The following CHCHD6 variants were observed in gnomAD, a reference collection of about 807,000 sequenced individuals.
CHCHD6 encodes coiled-coil-helix-coiled-coil-helix domain containing 6.
Under a neutral mutation model 32.3 loss-of-function variants are expected in CHCHD6, and 28 were observed. The observed-to-expected ratio is 0.87, with a 90% CI of 0.64 to 1.19. The LOEUF is 1.19. Ranked by LOEUF, CHCHD6 falls within the 50% of genes most tolerant of loss-of-function variation. CHCHD6 has a pLI of 0.00. For missense variants in CHCHD6, 333 were observed against 307.0 expected, an observed-to-expected ratio of 1.08 and a Z score of -0.63; for synonymous variants, 122 against 117.5, an observed-to-expected ratio of 1.04 and a Z score of -0.25.
chr3:126,950,146 C>G (rs1576642502), intron 6 of CHCHD6, among the ~76,000 whole-genome samples: 2 of 152,140 alleles, frequency 1.3e-5, no homozygotes, highest in East Asian at 1.9e-4. Context: ...GAAGGCCACA[C>G]AGAGGATTGT....
At chr3:126,709,924 GA>G (rs1934674747) in intron 1 of CHCHD6, among the ~76,000 whole-genome samples, 1 of 152,188 alleles carries the variant, frequency 6.6e-6, no homozygotes, top group Non-Finnish European at 1.5e-5. Context: ...TTATAAAAGG[GA>G]CTTGAGCATC....
chr3:126,845,499 G>T (rs547935019), intron 4 of CHCHD6, among the ~76,000 whole-genome samples: 6 of 152,022 alleles, frequency 3.9e-5, no homozygotes. Context: ...CTTAGTTGTC[G>T]TCAATCAACT....
intron 4 of CHCHD6, among the ~76,000 whole-genome samples, chr3:126,845,567 G>A (rs1245074515): frequency 6.6e-6 from 1 of 151,754 alleles, no homozygotes; most frequent in Non-Finnish European, 1.5e-5. Context: ...TCTTCTACTG[G>A]GACTCCAATT....
At chr3:126,800,289 A>G (rs180839788) in intron 4 of CHCHD6, among the ~76,000 whole-genome samples, 69 of 152,312 alleles carry the variant, frequency 4.5e-4, no homozygotes, top group African/African-American at 1.6e-3. Flanking sequence ...TCTGTCCCCA[A>G]GCCCAATTAA....
chr3:126,868,043 T>A (rs749455732), intron 5 of CHCHD6, among the ~76,000 whole-genome samples: 1 of 152,164 alleles, frequency 6.6e-6, no homozygotes, highest in Non-Finnish European at 1.5e-5. Flanking sequence ...TCCAGCAGCA[T>A]CATCTGTCCC....
At position 126,760,538 on chromosome 3, in the gene CHCHD6, C is replaced by G. The variant is rs1272926548; in HGVS notation, c.411+27316C>G. On this transcript the variant is annotated intron_variant, in intron 4 of 7. Coordinates refer to ENST00000290913, the MANE Select transcript of CHCHD6 (RefSeq NM_032343.3). ...GTCCTGTCAACTACTCCATTCTACT[C>G]TGTCTCTATGAATTTCACTACTCTA... 2.0e-5 allele frequency among the ~76,000 whole-genome samples: 3 copies of G among 152,210 alleles called. No homozygotes were observed. In the East Asian group the frequency reaches 5.8e-4, roughly 29 times the overall value.
At chr3:126,914,511 C>G (rs1316893985) in intron 5 of CHCHD6, among the ~76,000 whole-genome samples, 169 bp from the exon 6 acceptor site, 3 of 152,232 alleles carry the variant, frequency 2.0e-5, no homozygotes, top group Admixed American at 6.5e-5. Context: ...GATTCTGTAG[C>G]AGCAGCCATG....
intron 6 of CHCHD6, among the ~76,000 whole-genome samples, chr3:126,916,408 A>T (rs991113982): frequency 5.9e-5 from 9 of 152,226 alleles, no homozygotes; most frequent in African/African-American, 1.9e-4. Context: ...CTTAAAAAAA[A>T]AAAAAAAAAG....
Position 126,882,189 on chromosome 3 carries a change from A to G in CHCHD6, c.495+29459A>G, listed in dbSNP as rs116336743. 6.1e-3 allele frequency among the ~76,000 whole-genome samples: 933 copies of G among 152,332 alleles called. 10 individuals are homozygous for G. Among genetic ancestry groups the G allele is most frequent in the African/African-American group, 0.021 (892 of 41,568 alleles). On this transcript the variant is annotated intron_variant, in intron 5 of 7. Transcript: ENST00000290913. ...ACCCTCAGAGCCCCAAGCTATCCCC[A>G]GGTATCAGCAGGTAGCAGGAAGCGG...
At chr3:126,863,568 C>T (rs1942062553) in intron 5 of CHCHD6, among the ~76,000 whole-genome samples, 2 of 136,254 alleles carry the variant, frequency 1.5e-5, no homozygotes, top group African/African-American at 3.0e-5. Context: ...CCTCCTCCAC[C>T]ATCACCACCT....
At position 126,766,902 on chromosome 3, in the gene CHCHD6, G is replaced by A. The variant is rs573784035; in HGVS notation, c.411+33680G>A. On this transcript the variant is annotated intron_variant, in intron 4 of 7. Coordinates refer to ENST00000290913, the MANE Select transcript of CHCHD6 (RefSeq NM_032343.3). ...GGGGGACCATCTCATCCTGCTCTGC[G>A]TGGCCCAGCCGGCCATAGCCACTGA... The A allele has an allele frequency of 2.9e-5, 30 of 1,034,754 alleles. 1 individual carries two copies. The highest frequency in any genetic ancestry group is 1.6e-4 in the South Asian group (13 of 79,010). 64.1% of individuals were successfully genotyped at this position (1,034,754 alleles called of 1,614,324 possible).
chr3:126,783,911 G>A (rs1938072013), intron 4 of CHCHD6, among the ~76,000 whole-genome samples: 1 of 152,092 alleles, frequency 6.6e-6, no homozygotes, highest in Non-Finnish European at 1.5e-5. Flanking sequence ...AAGGAACTTG[G>A]ATCAGAAAGA....
intron 5 of CHCHD6, among the ~76,000 whole-genome samples, chr3:126,864,261 CCCT>C (rs1559889834): frequency 7.7e-6 from 1 of 129,164 alleles, no homozygotes; most frequent in Admixed American, 7.5e-5. Context: ...CACCATCTCC[CCCT>C]CCTCCATCAC....
chr3:126,718,936 C>G (rs1303729080), intron 1 of CHCHD6, among the ~76,000 whole-genome samples: 1 of 152,216 alleles, frequency 6.6e-6, no homozygotes, highest in Non-Finnish European at 1.5e-5. Flanking sequence ...AATTACAACT[C>G]TCTTAGTGCC....
chr3:126,862,405 ACCTCCTCCTCCACCATCACCACCT>A (rs1559887360), intron 5 of CHCHD6, among the ~76,000 whole-genome samples: 7 of 63,534 alleles, frequency 1.1e-4, no homozygotes, highest in Non-Finnish European at 1.2e-4. Context: ...TACCATCACC[ACCTCCTCCTCCACCATCACCACCT>A]CCTCCTCCTC....
intron 4 of CHCHD6, among the ~76,000 whole-genome samples, chr3:126,757,706 A>G (rs1016563933): frequency 6.6e-6 from 1 of 152,236 alleles, no homozygotes; most frequent in African/African-American, 2.4e-5. Flanking sequence ...CTGGACAAGT[A>G]GGCCACAGAA....
intron 4 of CHCHD6, among the ~76,000 whole-genome samples, chr3:126,789,918 C>A (rs947692557): frequency 1.3e-5 from 2 of 151,998 alleles, no homozygotes; most frequent in Non-Finnish European, 2.9e-5. Context: ...TCTTCCTAGT[C>A]TCGATGGTCT....
chr3:126,850,095 C>T (rs575289748), intron 4 of CHCHD6, among the ~76,000 whole-genome samples: 26 of 152,350 alleles, frequency 1.7e-4, no homozygotes, highest in African/African-American at 6.3e-4. Flanking sequence ...TTTCGTGTCA[C>T]CTCCTGTCCA....
intron 5 of CHCHD6, among the ~76,000 whole-genome samples, chr3:126,890,993 A>G (rs1229812871): frequency 2.6e-5 from 4 of 152,246 alleles, no homozygotes; most frequent in South Asian, 2.1e-4. Context: ...TGGGATTGCA[A>G]TTTGGCCAGA....
Sources: gnomAD v4.1 joint callset for allele counts (sites outside exome capture counted in the v4.1 genomes callset) on GRCh38, gnomAD v4.1.1 for gene constraint, MANE v1.5 for transcripts, NCBI Gene and HGNC (gene_info 2026-07-23, HGNC 2026-07-21) for gene names.